The following SUMF1 variants were observed in gnomAD, a reference collection of about 807,000 sequenced individuals.
SUMF1 encodes the protein sulfatase modifying factor 1.
Under a neutral mutation model 47.6 loss-of-function variants are expected in SUMF1, and 48 were observed. The observed-to-expected ratio is 1.01, with a 90% CI of 0.80 to 1.28. The LOEUF (loss-of-function observed/expected upper bound fraction) is 1.28, where lower values mean the gene tolerates loss of function less well. Among genes scored for constraint, SUMF1 ranks in the 50% most tolerant of loss-of-function variants. The probability of loss-of-function intolerance (pLI) is 0.00; values close to 1 mark genes in which losing one functional copy is unlikely to be tolerated. For missense variants in SUMF1, 571 were observed against 485.4 expected, an observed-to-expected ratio of 1.18 and a Z score of -1.66; for synonymous variants, 230 against 192.1, an observed-to-expected ratio of 1.20 and a Z score of -1.63.
intron 8 of SUMF1, among the ~76,000 whole-genome samples, chr3:4,093,674 CA>C (rs1349614484): frequency 6.6e-6 from 1 of 151,814 alleles, no homozygotes; most frequent in Non-Finnish European, 1.5e-5. Context: ...AGAGGGGAAA[CA>C]ATAAGGGAAA....
intron 7 of SUMF1, among the ~76,000 whole-genome samples, chr3:4,380,776 C>G (rs1271045930): frequency 2.0e-5 from 3 of 152,130 alleles, no homozygotes; most frequent in Admixed American, 1.3e-4. Flanking sequence ...ACACAGGTTT[C>G]TACATAACAG....
At chr3:4,422,573 G>A (rs1031202080) in intron 3 of SUMF1, among the ~76,000 whole-genome samples, 6 of 151,170 alleles carry the variant, frequency 4.0e-5, no homozygotes, top group African/African-American at 1.5e-4. Flanking sequence ...GGGCTATTAT[G>A]AATAGTACTG....
chr3:4,035,702 T>C (rs535100379), intron 9 of SUMF1, among the ~76,000 whole-genome samples: 19 of 152,328 alleles, frequency 1.2e-4, no homozygotes, highest in African/African-American at 4.6e-4. Flanking sequence ...AAATCAATTC[T>C]GCTACTTATT....
chr3:4,184,176 C>T (rs1014243579), intron 8 of SUMF1, among the ~76,000 whole-genome samples: 3 of 151,448 alleles, frequency 2.0e-5, no homozygotes, highest in African/African-American at 7.3e-5. Context: ...GCAAAAGAGC[C>T]CAAGTGTGGT....
In SUMF1 at chr3:4,174,971, G is replaced by A. The variant is rs140763472; in HGVS notation, c.1015-106226C>T. On this transcript the variant is annotated intron_variant and NMD_transcript_variant, in intron 8 of 12. Coordinates refer to the SUMF1 transcript ENST00000448413. Reference sequence around the variant, plus strand: ...GAGATCAATCTGCCAGAAGGCAGCCGGGCTGGGGGAGGGGCGTCTGCCATT... The same window carrying A: ...GAGATCAATCTGCCAGAAGGCAGCCAGGCTGGGGGAGGGGCGTCTGCCATT... 3.0e-3 allele frequency among the ~76,000 whole-genome samples: 452 copies of A among 152,284 alleles called. 3 individuals are homozygous for A. The highest frequency in any genetic ancestry group is 9.9e-3 in the African/African-American group (410 of 41,548).
intron 8 of SUMF1, among the ~76,000 whole-genome samples, chr3:4,156,233 A>G (rs1694449147): frequency 6.6e-6 from 1 of 151,522 alleles, no homozygotes; most frequent in Non-Finnish European, 1.5e-5. Context: ...GAAAAACACA[A>G]GGCCTGCAGA....
intron 8 of SUMF1, among the ~76,000 whole-genome samples, chr3:4,140,660 T>A (rs1694050304): frequency 1.3e-5 from 2 of 152,040 alleles, no homozygotes; most frequent in Non-Finnish European, 2.9e-5. Flanking sequence ...ACTTACTTCT[T>A]CCTTGAAACA....
intron 8 of SUMF1, among the ~76,000 whole-genome samples, chr3:4,084,676 G>A (rs148035077): frequency 1.3e-5 from 2 of 152,026 alleles, no homozygotes. Context: ...AACTGCTCTT[G>A]AGTTTATTAG....
At chr3:4,190,320 GT>G (rs1695287867) in intron 8 of SUMF1, among the ~76,000 whole-genome samples, 1 of 152,034 alleles carries the variant, frequency 6.6e-6, no homozygotes, top group Non-Finnish European at 1.5e-5. Flanking sequence ...AGTAAGAACT[GT>G]GTGTTGGCGA....
chr3:4,097,550 C>A (rs1426052353), intron 8 of SUMF1, among the ~76,000 whole-genome samples: 2 of 151,946 alleles, frequency 1.3e-5, no homozygotes. Flanking sequence ...GAGACCCTGT[C>A]TCAAAAAAAC....
intron 3 of SUMF1, among the ~76,000 whole-genome samples, chr3:4,433,218 C>T (rs1559296855): frequency 6.6e-6 from 1 of 152,210 alleles, no homozygotes; most frequent in Non-Finnish European, 1.5e-5. Context: ...ATTGTTACCT[C>T]TTAATCTAAG....
intron 8 of SUMF1, among the ~76,000 whole-genome samples, chr3:4,137,936 A>AT (rs60604018): frequency 0.043 from 6,584 of 151,926 alleles, 418 homozygotes; most frequent in East Asian, 0.17. Context: ...CACACACATT[A>AT]TTAGAACTAA....
At chr3:4,196,912 T>C (rs141902109) in intron 8 of SUMF1, among the ~76,000 whole-genome samples, 11 of 152,250 alleles carry the variant, frequency 7.2e-5, no homozygotes, top group Admixed American at 2.6e-4. Context: ...ATTGTCCTAA[T>C]TGGCCACCTC....
intron 3 of SUMF1, among the ~76,000 whole-genome samples, chr3:4,431,091 T>C (rs1702217939): frequency 1.3e-5 from 2 of 152,200 alleles, no homozygotes. Flanking sequence ...CATTCCCTAT[T>C]TGACAAGGGA....
Position 4,410,927 on chromosome 3 carries a change from C to A in SUMF1, c.892G>T (p.Ala298Ser). 6.2e-7 allele frequency: 1 copy of A among 1,614,116 alleles called. No homozygotes were observed. The highest frequency in any genetic ancestry group is 8.5e-7 in the Non-Finnish European group (1 of 1,179,954). The change falls in exon 7 of 9, where the codon GCA becomes TCA. Residue 298 changes from alanine to serine, a missense_variant. Coordinates refer to ENST00000272902, the MANE Select transcript of SUMF1 (RefSeq NM_182760.4). ...GYGLYNIVGN[A>S]WEWTSDWWTV... ...CACCAGTCTGAAGTCCATTCCCATG[C>A]GTTCCCCACTATGTTGTATAAGCCA...
At chr3:4,051,078 C>T (rs1230887691) in intron 9 of SUMF1, among the ~76,000 whole-genome samples, 1 of 150,708 alleles carries the variant, frequency 6.6e-6, no homozygotes, top group African/African-American at 2.4e-5. Context: ...AATGCGAGTA[C>T]TCAAGTAATT....
chr3:4,201,290 C>T (rs777329422), intron 8 of SUMF1, among the ~76,000 whole-genome samples: 1 of 152,082 alleles, frequency 6.6e-6, no homozygotes, highest in Non-Finnish European at 1.5e-5. Context: ...AACCCCCACA[C>T]ACTACCCTTC....
At chr3:4,188,597 G>A (rs1276734735) in intron 8 of SUMF1, among the ~76,000 whole-genome samples, 2 of 152,082 alleles carry the variant, frequency 1.3e-5, no homozygotes, top group African/African-American at 4.8e-5. Flanking sequence ...CATGGCCTGG[G>A]ACTATATAAG....
At chr3:4,392,681 A>G (rs1700912246) in intron 7 of SUMF1, among the ~76,000 whole-genome samples, 1 of 151,096 alleles carries the variant, frequency 6.6e-6, no homozygotes, top group Non-Finnish European at 1.5e-5. Context: ...CGAGAGAGAG[A>G]GCACATGTAT....
Sources: allele counts gnomAD v4.1 joint callset (sites outside exome capture counted in the v4.1 genomes callset), GRCh38; gene constraint gnomAD v4.1.1; transcripts MANE v1.5; gene names NCBI Gene and HGNC (gene_info 2026-07-23, HGNC 2026-07-21).